Variants in PTPRD observed in about 807,000 individuals in gnomAD.
The protein encoded by PTPRD is receptor-type tyrosine-protein phosphatase delta.
In PTPRD, 34 loss-of-function variants were observed where a neutral mutation model predicts 214.5. That is an observed-to-expected ratio of 0.16 (90% CI 0.12 to 0.21). The LOEUF is 0.21. PTPRD is among the 10% of genes least tolerant of loss of function. PTPRD has a pLI of 1.00. For missense variants in PTPRD, 2,545 were observed against 2,398.7 expected (o/e 1.06, Z -1.27); for synonymous variants, 1,128 against 845.7 (o/e 1.33, Z -5.79).
At chr9:8,965,132 C>T (rs2099185584) in intron 11 of PTPRD, among the ~76,000 whole-genome samples, 1 of 152,076 alleles carries the variant, frequency 6.6e-6, no homozygotes, top group Non-Finnish European at 1.5e-5. Context: ...AATCCCAGCA[C>T]TTTGGGAGGC....
At chr9:8,961,457 C>G (rs1296633957) in intron 11 of PTPRD, among the ~76,000 whole-genome samples, 1 of 152,098 alleles carries the variant, frequency 6.6e-6, no homozygotes, top group Non-Finnish European at 1.5e-5. Context: ...TTCTGCACTT[C>G]TTTCCACTAG....
chr9:10,039,826 T>A (rs763368612), intron 3 of PTPRD, among the ~76,000 whole-genome samples: 45 of 152,010 alleles, frequency 3.0e-4, no homozygotes, highest in Non-Finnish European at 5.3e-4. Context: ...AGGACAAAAT[T>A]TAAAGATGAA....
chr9:8,470,944 G>A lies in PTPRD; in HGVS notation c.3504+51C>T, dbSNP rs781779020. On this transcript the variant is annotated intron_variant, in intron 31 of 45. Coordinates refer to ENST00000381196, the MANE Select transcript of PTPRD (RefSeq NM_002839.4). ...GCCTCCAAGGGAGGGGGGCGGAAATGCAGCAGATTAAATAACGAATAAAAG... is the reference window on the plus strand; with the variant it reads ...GCCTCCAAGGGAGGGGGGCGGAAATACAGCAGATTAAATAACGAATAAAAG... The A allele has an allele frequency of 6.6e-6, 10 of 1,512,136 alleles. No homozygotes were observed. The South Asian group carries it at 9.0e-5, about 14-fold the overall frequency. 93.7% of individuals were successfully genotyped at this position (1,512,136 alleles called of 1,614,324 possible).
intron 12 of PTPRD, among the ~76,000 whole-genome samples, chr9:8,720,792 T>C (rs1456805413): frequency 6.6e-6 from 1 of 152,078 alleles, no homozygotes; most frequent in South Asian, 2.1e-4. Context: ...CCTCCATGAC[T>C]CTAGGGCCTG....
intron 11 of PTPRD, among the ~76,000 whole-genome samples, chr9:8,872,805 ACAACAAGAAACCAGC>A (rs1310701624): frequency 6.6e-6 from 1 of 152,246 alleles, no homozygotes; most frequent in Non-Finnish European, 1.5e-5. Flanking sequence ...ATTTGCCAGT[ACAACAAGAAACCAGC>A]CAAGTTGCTT....
intron 5 of PTPRD, among the ~76,000 whole-genome samples, chr9:9,872,827 G>A (rs1353276150): frequency 6.6e-6 from 1 of 152,070 alleles, no homozygotes; most frequent in Non-Finnish European, 1.5e-5. Flanking sequence ...AGAAGATGGA[G>A]GAGAGGCAGA....
chr9:10,551,512 A>C (rs959055326), intron 2 of PTPRD, among the ~76,000 whole-genome samples: 1 of 152,118 alleles, frequency 6.6e-6, no homozygotes, highest in South Asian at 2.1e-4. Flanking sequence ...GGTCCTGAAG[A>C]AGAAGGCCTC....
intron 12 of PTPRD, among the ~76,000 whole-genome samples, chr9:8,662,757 T>G (rs1377388853): frequency 6.6e-6 from 1 of 152,222 alleles, no homozygotes; most frequent in Non-Finnish European, 1.5e-5. Context: ...TCTCAAACTT[T>G]TATCCCGTAC....
At chr9:9,627,915 G>C (rs1295847078) in intron 7 of PTPRD, among the ~76,000 whole-genome samples, 1 of 152,130 alleles carries the variant, frequency 6.6e-6, no homozygotes, top group African/African-American at 2.4e-5. Context: ...GTTAGAGAGA[G>C]GGGAGTAACC....
intron 7 of PTPRD, among the ~76,000 whole-genome samples, chr9:9,640,646 G>T (rs187114626): frequency 1.3e-5 from 2 of 152,252 alleles, no homozygotes. Flanking sequence ...TTTTTATGGA[G>T]GAGTTAGACA....
chr9:9,774,309 A>T (rs1224888186), intron 5 of PTPRD, among the ~76,000 whole-genome samples: 1 of 152,176 alleles, frequency 6.6e-6, no homozygotes, highest in Non-Finnish European at 1.5e-5. Context: ...GGGCTAAGAG[A>T]ATATTGATAC....
intron 25 of PTPRD, among the ~76,000 whole-genome samples, chr9:8,499,036 T>C (rs192162654): frequency 7.9e-5 from 12 of 151,690 alleles, no homozygotes; most frequent in Middle Eastern, 6.8e-3. Context: ...ACCTTTTTTT[T>C]AAACCTTGGT....
At chr9:8,437,015 T>G (rs186363313) in intron 34 of PTPRD, among the ~76,000 whole-genome samples, 160 of 152,288 alleles carry the variant, frequency 1.1e-3, no homozygotes, top group Non-Finnish European at 2.0e-3. Context: ...AACTTCTGCT[T>G]TGAGTAATGA....
At position 9,178,978 on chromosome 9, in the gene PTPRD, G is replaced by A. The variant is rs144888256; in HGVS notation, c.-143+4326C>T. On this transcript the variant is annotated intron_variant, in intron 10 of 45. Transcript: ENST00000381196. ...AGAGACCTGAATATGTTCCTGCTAC[G>A]TGTAATGCTAATTACTTCTTTACTA... 5.4e-4 allele frequency among the ~76,000 whole-genome samples: 82 copies of A among 152,134 alleles called. 1 individual carries two copies. Among genetic ancestry groups the A allele is most frequent in the African/African-American group, 1.6e-3 (67 of 41,518 alleles).
intron 3 of PTPRD, among the ~76,000 whole-genome samples, chr9:10,057,919 A>C (rs1307127682): frequency 2.6e-5 from 4 of 152,068 alleles, no homozygotes; most frequent in Admixed American, 1.3e-4. Context: ...CCACTGGCTC[A>C]TGACAGTGAC....
At chr9:8,352,083 A>ATTTT (rs5896240) in intron 39 of PTPRD, among the ~76,000 whole-genome samples, 14 of 147,360 alleles carry the variant, frequency 9.5e-5, no homozygotes, top group African/African-American at 3.5e-4. Context: ...GCCTAATCTG[A>ATTTT]TTTTTTTTTT....
rs542152867 is a variant in PTPRD at position 10,320,689 on chromosome 9, A to G, written c.-545+20274T>C. 2.6e-5 allele frequency among the ~76,000 whole-genome samples: 4 copies of G among 152,060 alleles called. No individual in the cohort carries two copies. The South Asian group carries it at 8.3e-4, about 32-fold the overall frequency. On this transcript the variant is annotated intron_variant, in intron 3 of 45. Transcript: ENST00000381196. Reference sequence around the variant, plus strand: ...TCAGTTCTTAGAAACTACTACTGAGACCATTGATTTGAGGCTCCTTCCATT... The same window carrying G: ...TCAGTTCTTAGAAACTACTACTGAGGCCATTGATTTGAGGCTCCTTCCATT...
chr9:8,852,884 T>C (rs1219600476), intron 11 of PTPRD, among the ~76,000 whole-genome samples: 1 of 152,198 alleles, frequency 6.6e-6, no homozygotes, highest in African/African-American at 2.4e-5. Context: ...AACAGGAAGA[T>C]ACAGAATTAA....
At chr9:10,218,009 G>A (rs540103908) in intron 3 of PTPRD, among the ~76,000 whole-genome samples, 1 of 151,742 alleles carries the variant, frequency 6.6e-6, no homozygotes, top group Non-Finnish European at 1.5e-5. Context: ...GGGTAGGGGG[G>A]TTAATTCTAT....
Sources: allele counts gnomAD v4.1 joint callset (sites outside exome capture counted in the v4.1 genomes callset), GRCh38; gene constraint gnomAD v4.1.1; transcripts MANE v1.5; gene names NCBI Gene and HGNC (gene_info 2026-07-23, HGNC 2026-07-21).